The following PDE5A variants were observed in gnomAD, a reference collection of about 807,000 sequenced individuals.
The protein encoded by PDE5A is cGMP-specific 3',5'-cyclic phosphodiesterase.
PDE5A carries 67 observed loss-of-function variants against 110.2 expected under a neutral mutation model. That is an observed-to-expected ratio of 0.61 (90% CI 0.50 to 0.75). The LOEUF (loss-of-function observed/expected upper bound fraction) is 0.75. PDE5A is among the 30% of genes least tolerant of loss of function. The pLI is 0.00. For synonymous variants in PDE5A, 328 were observed against 351.2 expected, an observed-to-expected ratio of 0.93 and a Z score of 0.74; for missense variants, 862 against 1,045.1, an observed-to-expected ratio of 0.82 and a Z score of 2.42.
chr4:119,610,890 C>T (rs1729717651), intron 1 of PDE5A, among the ~76,000 whole-genome samples: 1 of 152,158 alleles, frequency 6.6e-6, no homozygotes, highest in Non-Finnish European at 1.5e-5. Context: ...ATACTTACCC[C>T]CTTGCAATCC....
chr4:119,623,248 T>C (rs1193697369), intron 1 of PDE5A, among the ~76,000 whole-genome samples: 1 of 152,182 alleles, frequency 6.6e-6, no homozygotes, highest in South Asian at 2.1e-4. Flanking sequence ...TGAATCTACA[T>C]CTATGCAGCT....
chr4:119,530,273 C>T (rs975922737), intron 11 of PDE5A, among the ~76,000 whole-genome samples: 5 of 152,070 alleles, frequency 3.3e-5, no homozygotes, highest in African/African-American at 2.4e-5. Context: ...AAATTTTTGG[C>T]TCAAATAATG....
At chr4:119,538,025 T>C (rs1318253341) in intron 11 of PDE5A, among the ~76,000 whole-genome samples, 1 of 152,084 alleles carries the variant, frequency 6.6e-6, no homozygotes, top group Non-Finnish European at 1.5e-5. Flanking sequence ...TGGATCATCT[T>C]TCCTGTCTCA....
In PDE5A at chr4:119,627,384, G is replaced by A. The variant is rs1167778250; in HGVS notation, c.152+1136C>T. 9 of 871,782 alleles carry A rather than the reference G, an allele frequency of 1.0e-5. 1 individual carries two copies. Among genetic ancestry groups the A allele is most frequent in the Non-Finnish European group, 1.2e-5 (9 of 724,758 alleles). The allele number at this position is 871,782 out of a possible 1,614,324, so 54.0% of individuals were successfully genotyped here. On this transcript the variant is annotated intron_variant, in intron 1 of 20. Transcript: ENST00000354960. This position sits in a 1 kb window ranked among gnomAD's most constrained non-coding sequence, Gnocchi z 4.6. Reference sequence around the variant, plus strand: ...GGCGGGGAGCGACCGGCAGAGCCGCGGCCGCGCGCCGGCGAGTGGGACCCG... The same window carrying A: ...GGCGGGGAGCGACCGGCAGAGCCGCAGCCGCGCGCCGGCGAGTGGGACCCG...
At chr4:119,526,875 A>G (rs542204199) in intron 11 of PDE5A, among the ~76,000 whole-genome samples, 8 of 152,278 alleles carry the variant, frequency 5.3e-5, no homozygotes, top group African/African-American at 1.9e-4. Flanking sequence ...ACCAGAAAAT[A>G]TGCATTCTGT....
intron 14 of PDE5A, among the ~76,000 whole-genome samples, chr4:119,514,320 T>C (rs931648833): frequency 6.6e-6 from 1 of 152,182 alleles, no homozygotes; most frequent in African/African-American, 2.4e-5. Flanking sequence ...TCTTCCTATG[T>C]CACCAAGAAC....
chr4:119,609,119 G>A (rs569194114), intron 1 of PDE5A, among the ~76,000 whole-genome samples: 7 of 151,500 alleles, frequency 4.6e-5, no homozygotes, highest in South Asian at 2.1e-4. Context: ...CTGAGATCGC[G>A]CCATTGCACT....
At chr4:119,564,292 C>A (rs1196829451) in intron 5 of PDE5A, among the ~76,000 whole-genome samples, 1 of 151,852 alleles carries the variant, frequency 6.6e-6, no homozygotes, top group Admixed American at 6.6e-5. Context: ...AATTTTATAC[C>A]CAGCCAAAGT....
At chr4:119,518,334 T>G (rs1035637885) in intron 14 of PDE5A, among the ~76,000 whole-genome samples, 1 of 152,226 alleles carries the variant, frequency 6.6e-6, no homozygotes, top group Non-Finnish European at 1.5e-5. Flanking sequence ...AAAAGTGATG[T>G]CACCTTTATC....
At chr4:119,624,653 C>T (rs946162720) in intron 1 of PDE5A, among the ~76,000 whole-genome samples, 2 of 152,310 alleles carry the variant, frequency 1.3e-5, no homozygotes, top group Admixed American at 1.3e-4. Flanking sequence ...TCAATCATGT[C>T]ATCCTTAACA....
At position 119,627,175 on chromosome 4, in the gene PDE5A, T is replaced by C. The variant is rs200454361; in HGVS notation, c.152+1345A>G. On this transcript the variant is annotated intron_variant, in intron 1 of 20. Coordinates refer to ENST00000354960, the MANE Select transcript of PDE5A (RefSeq NM_001083.4). This position sits in a 1 kb window ranked among gnomAD's most constrained non-coding sequence, Gnocchi z 4.6. ...CTTGTTTTGTCTCCAAAGGGCAACA[T>C]AGCAAACGTGGGAAGTTCGTTTTCG... The C allele has an allele frequency of 6.8e-6, 11 of 1,612,668 alleles. No homozygotes were observed. The highest frequency in any genetic ancestry group is 4.4e-5 in the South Asian group (4 of 90,928).
chr4:119,536,904 T>C (rs938630107), intron 11 of PDE5A, among the ~76,000 whole-genome samples: 2 of 152,150 alleles, frequency 1.3e-5, no homozygotes, highest in African/African-American at 4.8e-5. Flanking sequence ...TACAAAATGC[T>C]AACAATACTG....
chr4:119,505,088 A>G (rs1344866918), intron 17 of PDE5A, among the ~76,000 whole-genome samples: 2 of 151,950 alleles, frequency 1.3e-5, no homozygotes, highest in Non-Finnish European at 2.9e-5. Flanking sequence ...ATGATTAATC[A>G]TGTTTTTCAG....
intron 14 of PDE5A, among the ~76,000 whole-genome samples, chr4:119,517,978 A>G (rs551567722): frequency 6.6e-6 from 1 of 152,298 alleles, no homozygotes. Flanking sequence ...GTTCTCCAAA[A>G]CATGAGATTT....
chr4:119,603,093 C>T (rs1729400598), intron 2 of PDE5A, among the ~76,000 whole-genome samples: 1 of 152,174 alleles, frequency 6.6e-6, no homozygotes, highest in Non-Finnish European at 1.5e-5. Flanking sequence ...TGGATGTTAT[C>T]TGGTTTTCCT....
chr4:119,539,542 A>G (rs1726852340), intron 10 of PDE5A, among the ~76,000 whole-genome samples: 1 of 152,050 alleles, frequency 6.6e-6, no homozygotes, highest in African/African-American at 2.4e-5. Flanking sequence ...AGTCATGCAG[A>G]TTTAAGGATC....
chr4:119,505,852 T>C lies in PDE5A; in HGVS notation c.2267+3A>G. ...CAGCTTTAAAGATAGTAAACCTACT[T>C]ACAAAAACAACTCCTTTTGATGAGG... On this transcript the variant is annotated splice_donor_region_variant and intron_variant, in intron 17 of 20. Coordinates refer to ENST00000354960, the MANE Select transcript of PDE5A (RefSeq NM_001083.4). The C allele has an allele frequency of 6.5e-7, 1 of 1,530,636 alleles. No homozygotes were observed. Among genetic ancestry groups the C allele is most frequent in the African/African-American group, 1.4e-5 (1 of 71,234 alleles). The allele number at this position is 1,530,636 out of a possible 1,614,324, so 94.8% of individuals were successfully genotyped here. A position where few individuals can be genotyped will look rare whatever the true frequency, so the allele number is the denominator to read the frequency against.
intron 1 of PDE5A, among the ~76,000 whole-genome samples, chr4:119,620,126 ATCT>A (rs1158824188): frequency 6.6e-6 from 1 of 152,244 alleles, no homozygotes; most frequent in Non-Finnish European, 1.5e-5. Context: ...AAATGCCAAC[ATCT>A]TCTTTTGAGA....
rs55997249 is a variant in PDE5A at position 119,592,456 on chromosome 4, T to TAAAAAA, written c.831+4061_831+4066dup. 6.8e-3 allele frequency among the ~76,000 whole-genome samples: 452 copies of TAAAAAA among 66,170 alleles called. 43 individuals are homozygous for TAAAAAA. The highest frequency in any genetic ancestry group is 9.9e-3 in the East Asian group (18 of 1,826). 43.4% of individuals were successfully genotyped at this position (66,170 alleles called of 152,430 possible). ...CTGGGTGACAGAGCGAGACTCTGTT[T>TAAAAAA]AAAAAAAAAAAAAAAAAAAAAAAAA... On this transcript the variant is annotated intron_variant, in intron 3 of 20. Coordinates refer to ENST00000354960, the MANE Select transcript of PDE5A (RefSeq NM_001083.4).
Sources: allele counts gnomAD v4.1 joint callset (sites outside exome capture counted in the v4.1 genomes callset), GRCh38; gene constraint gnomAD v4.1.1; non-coding constraint Gnocchi (gnomAD v3.1); transcripts MANE v1.5; gene names NCBI Gene and HGNC (gene_info 2026-07-23, HGNC 2026-07-21).